The following SOAT2 variants were observed in gnomAD, a reference collection of about 807,000 sequenced individuals.
The protein encoded by SOAT2 is sterol O-acyltransferase 2, also known as ACAT-2.
Under a neutral mutation model 76.0 loss-of-function variants are expected in SOAT2, and 87 were observed. The ratio of observed to expected loss-of-function variants is 1.14; its 90% CI spans 0.96 to 1.37. SOAT2 has a LOEUF of 1.37. Among genes scored for constraint, SOAT2 ranks in the 40% most tolerant of loss-of-function variants. SOAT2 has a pLI of 0.00. For synonymous variants in SOAT2, 285 were observed against 275.4 expected (o/e 1.03, Z -0.34); for missense variants, 686 against 682.1 (o/e 1.01, Z -0.06).
At chr12:53,118,467 G>A (rs371663443) in intron 8 of SOAT2, 33 bp downstream of exon 8, 6 of 1,526,690 alleles carry the variant, frequency 3.9e-6, no homozygotes, top group South Asian at 2.2e-5. Context: ...CAAATGCCCA[G>A]GCCCATCAGG....
rs780544213 is a variant in SOAT2 at position 53,115,516 on chromosome 12, G to A, written c.570G>A (p.Arg190=). 1.2e-5 allele frequency: 20 copies of A among 1,606,938 alleles called. No individual in the cohort carries two copies. The Admixed American group carries it at 1.3e-4, about 11-fold the overall frequency. Residue 190 remains arginine, a synonymous_variant, in exon 6 of 15, where the codon AGG becomes AGA. Coordinates refer to ENST00000301466, the MANE Select transcript of SOAT2 (RefSeq NM_003578.4). The part of the protein sequence containing the change: ...APYQALRLWA[R]GTWTQATGLG... ...ACCAGGCCCTACGGCTGTGGGCCAG[G>A]GGCACCTGGACGCAGGCGACGGGCC...
At chr12:53,104,288 A>AT in intron 2 of SOAT2, 82 bp downstream of exon 2, 2 of 750,404 alleles carry the variant, frequency 2.7e-6, no homozygotes, top group Admixed American at 2.9e-5. Flanking sequence ...GATAAAGATG[A>AT]CTTTTTTTTT....
intron 10 of SOAT2, among the ~76,000 whole-genome samples, chr12:53,119,463 C>T (rs1304777762): frequency 2.0e-5 from 3 of 152,186 alleles, no homozygotes; most frequent in African/African-American, 7.2e-5. Flanking sequence ...CTCCCTGGCA[C>T]CCAGATCTTT....
intron 10 of SOAT2, 87 bp from the exon 11 acceptor site, chr12:53,120,699 G>T: frequency 1.2e-6 from 1 of 868,300 alleles, no homozygotes; most frequent in Non-Finnish European, 2.0e-6. Context: ...TGGTTTCTGG[G>T]CAGGGGCTCC....
At chr12:53,108,714 T>C (rs1231217299) in intron 5 of SOAT2, among the ~76,000 whole-genome samples, 1 of 152,238 alleles carries the variant, frequency 6.6e-6, no homozygotes, top group Non-Finnish European at 1.5e-5. Flanking sequence ...ATTTTAACTC[T>C]TCAAGAGCCC....
intron 7 of SOAT2, among the ~76,000 whole-genome samples, chr12:53,116,501 A>G (rs1938109652): frequency 1.3e-5 from 2 of 152,188 alleles, no homozygotes; most frequent in South Asian, 4.1e-4. Context: ...AATTTTTGGA[A>G]TGACAAGTTG....
Position 53,104,077 on chromosome 12 carries a change from T to TGACC in SOAT2, c.83-73_83-70dup, listed in dbSNP as rs10641898. The TGACC allele has an allele frequency of 4.1e-3, 5,280 of 1,276,928 alleles. 155 individuals are homozygous for TGACC. In the African/African-American group the frequency reaches 0.067, roughly 16 times the overall value. 79.1% of individuals were successfully genotyped at this position (1,276,928 alleles called of 1,614,324 possible). On this transcript the variant is annotated intron_variant, in intron 1 of 14. Transcript: ENST00000301466. Reference sequence around the variant, plus strand: ...GCTGCTGAGCACACAAAGCATTTCCTGACCACAGGATGCCTCTGGGTCTGC... The same window carrying TGACC: ...GCTGCTGAGCACACAAAGCATTTCCTGACCGACCACAGGATGCCTCTGGGTCTGC...
chr12:53,115,699 G>T (rs191496675), intron 6 of SOAT2, 45 bp downstream of exon 6: 1 of 1,467,930 alleles, frequency 6.8e-7, no homozygotes, highest in South Asian at 1.4e-5. Flanking sequence ...ACCAGCTGGT[G>T]GGGCCATCTC....
intron 13 of SOAT2, 49 bp downstream of exon 13, chr12:53,123,265 T>C: frequency 6.2e-7 from 1 of 1,607,656 alleles, no homozygotes. Flanking sequence ...GAGGGAGGCC[T>C]GCATCCTGCT....
At position 53,103,537 on chromosome 12, in the gene SOAT2, A is replaced by G; in HGVS notation, c.-41A>G. The G allele has an allele frequency of 6.5e-7, 1 of 1,527,604 alleles. No individual in the cohort carries two copies. 94.6% of individuals were successfully genotyped at this position (1,527,604 alleles called of 1,614,324 possible). ...GGCCACACTGCGAAGGAAGGAGGCA[A>G]CACGGGCAAGGGCTGCCTGCTGCCC... On this transcript the variant is annotated 5_prime_UTR_variant, in exon 1 of 15. Transcript: ENST00000301466.
Position 53,119,368 on chromosome 12 carries a change from C to T in SOAT2, c.1039+115C>T, listed in dbSNP as rs1362613191. On this transcript the variant is annotated intron_variant, in intron 10 of 14. Coordinates refer to ENST00000301466, the MANE Select transcript of SOAT2 (RefSeq NM_003578.4). ...CACGTTCTCCTTCTGAGTCTCTCCT[C>T]ACATCTGTCCCCTCCTATCAGGGCC... 7 of 1,121,504 alleles carry T rather than the reference C, an allele frequency of 6.2e-6. No homozygotes were observed. The East Asian group carries it at 1.5e-4, about 25-fold the overall frequency. 69.5% of individuals were successfully genotyped at this position (1,121,504 alleles called of 1,614,324 possible).
At chr12:53,106,112 C>A in intron 5 of SOAT2, 98 bp downstream of exon 5, 1 of 771,220 alleles carries the variant, frequency 1.3e-6, no homozygotes, top group Non-Finnish European at 2.2e-6. Flanking sequence ...GACACAGGTT[C>A]CCCCTTTGGT....
chr12:53,104,997 TTTA>T (rs1937907677), intron 2 of SOAT2, 107 bp from the exon 3 acceptor site: 3 of 1,269,024 alleles, frequency 2.4e-6, no homozygotes, highest in Non-Finnish European at 2.1e-6. Context: ...TGTTTTTTTT[TTTA>T]AAAAAAGCAC....
chr12:53,114,593 A>G (rs1475580549), intron 5 of SOAT2, among the ~76,000 whole-genome samples: 1 of 152,036 alleles, frequency 6.6e-6, no homozygotes. Flanking sequence ...TGGTGGTGCA[A>G]GCCTGTAGTC....
chr12:53,105,486 A>G (rs1937920700), intron 3 of SOAT2, 75 bp from the exon 4 acceptor site: 4 of 1,441,962 alleles, frequency 2.8e-6, no homozygotes, highest in Non-Finnish European at 3.8e-6. Flanking sequence ...TTGGCTCCCA[A>G]GTATTGACCT....
chr12:53,122,834 A>C (rs1473346563), intron 12 of SOAT2, among the ~76,000 whole-genome samples: 2 of 151,952 alleles, frequency 1.3e-5, no homozygotes, highest in Non-Finnish European at 2.9e-5. Flanking sequence ...GCCCGTTCTC[A>C]ATGAGCTGTT....
chr12:53,117,053 G>C (rs1938116119), intron 7 of SOAT2, among the ~76,000 whole-genome samples: 1 of 151,056 alleles, frequency 6.6e-6, no homozygotes, highest in Admixed American at 6.6e-5. Flanking sequence ...CCACCTTCTG[G>C]GTTCAAGCGA....
At chr12:53,115,093 A>G (rs1442411111) in intron 5 of SOAT2, among the ~76,000 whole-genome samples, 1 of 152,232 alleles carries the variant, frequency 6.6e-6, no homozygotes, top group African/African-American at 2.4e-5. Flanking sequence ...AACTAAGGAA[A>G]GTCAGTCTAG....
chr12:53,119,351 C>A, intron 10 of SOAT2, 98 bp downstream of exon 10: 1 of 1,317,696 alleles, frequency 7.6e-7, no homozygotes. Context: ...AACACGTTCT[C>A]CTTCTGAGTC....
Sources: gnomAD v4.1 joint callset for allele counts (sites outside exome capture counted in the v4.1 genomes callset) on GRCh38, gnomAD v4.1.1 for gene constraint, MANE v1.5 for transcripts, NCBI Gene and HGNC (gene_info 2026-07-23, HGNC 2026-07-21) for gene names.